GUF1: variants seen among roughly 807,000 people sequenced by gnomAD.
GUF1 encodes GTP binding elongation factor GUF1.
GUF1 carries 78 observed loss-of-function variants against 82.4 expected under a neutral mutation model. That is an observed-to-expected ratio of 0.95 (90% CI 0.79 to 1.14). The LOEUF is 1.14. Among genes scored for constraint, GUF1 ranks in the 50% most tolerant of loss-of-function variants. The pLI is 0.00. For synonymous variants in GUF1, 279 were observed against 282.3 expected (o/e 0.99, Z 0.12); for missense variants, 814 against 798.2 (o/e 1.02, Z -0.24).
rs201000026 is a variant in GUF1 at position 44,698,655 on chromosome 4, G to A, written c.1984G>A (p.Val662Ile). Residue 662 changes from valine to isoleucine, a missense_variant, in exon 17 of 17, where the codon GTT becomes ATT. Transcript: ENST00000281543. Reference sequence around the variant, plus strand: ...AGTTCCAAAAGATGCTTTTATAAAAGTTCTGAAAACACAATCTTCTAAATA... The same window carrying A: ...AGTTCCAAAAGATGCTTTTATAAAAATTCTGAAAACACAATCTTCTAAATA... ...VEVPKDAFIK[V>I]LKTQSSK The A allele has an allele frequency of 6.9e-5, 110 of 1,602,420 alleles. 1 individual carries two copies. The highest frequency in any genetic ancestry group is 3.5e-5 in the Admixed American group (2 of 56,980).
intron 6 of GUF1, among the ~76,000 whole-genome samples, chr4:44,685,074 TAGAAAC>T (rs1457879625): frequency 2.0e-5 from 3 of 152,086 alleles, no homozygotes; most frequent in Non-Finnish European, 2.9e-5. Context: ...TGGGAAAAGA[TAGAAAC>T]AGAGTGGAGG....
Position 44,686,689 on chromosome 4 carries a change from C to G in GUF1, c.914C>G (p.Pro305Arg), listed in dbSNP as rs1352337515. 1 of 1,609,268 alleles carries G rather than the reference C, an allele frequency of 6.2e-7. No homozygotes were observed. The highest frequency in any genetic ancestry group is 1.7e-5 in the Admixed American group (1 of 59,918). ...YEVNEVGVLNPNEQPTHKLYA... is the reference protein window; with the variant it reads ...YEVNEVGVLNRNEQPTHKLYA... Reference sequence around the variant, plus strand: ...GTTAATGAAGTAGGAGTCTTGAATCCTAATGAGCAGCCAACTCATAAATTG... The same window carrying G: ...GTTAATGAAGTAGGAGTCTTGAATCGTAATGAGCAGCCAACTCATAAATTG... Residue 305 changes from proline (P) to arginine (R), a missense_variant, in exon 8 of 17, where the codon CCT becomes CGT. Physicochemically the swap from Pro to Arg is moderately radical, Grantham distance 103 (BLOSUM62 -2). Transcript: ENST00000281543.
intron 13 of GUF1, among the ~76,000 whole-genome samples, chr4:44,692,450 C>T (rs1383103005): frequency 6.6e-6 from 1 of 151,748 alleles, no homozygotes; most frequent in Admixed American, 6.6e-5. Flanking sequence ...TCTAGATACC[C>T]TCACTATGCC....
At chr4:44,680,332 T>A (rs1490973434) in intron 1 of GUF1, 109 bp from the exon 2 acceptor site, 1 of 575,852 alleles carries the variant, frequency 1.7e-6, no homozygotes, top group African/African-American at 1.9e-5. Context: ...ACAATATAAA[T>A]GCTAGAAATG....
At chr4:44,684,532 A>AT (rs1214957640) in intron 6 of GUF1, among the ~76,000 whole-genome samples, 2 of 152,096 alleles carry the variant, frequency 1.3e-5, no homozygotes, top group African/African-American at 4.8e-5. Context: ...GAAACAAATT[A>AT]ACCAGTCATT....
intron 8 of GUF1, 61 bp from the exon 9 acceptor site, chr4:44,687,946 T>G: frequency 6.8e-7 from 1 of 1,463,240 alleles, no homozygotes. Flanking sequence ...TAGAACTAAT[T>G]GTGAGTTATG....
At position 44,683,223 on chromosome 4, in the gene GUF1, T is replaced by C; in HGVS notation, c.586-12T>C. ...TTATTATACTTCACATAATGGATTT[T>C]TTTTTTTAAAGATAGATCTGAAGAA... On this transcript the variant is annotated splice_polypyrimidine_tract_variant and intron_variant, in intron 5 of 16. Coordinates refer to ENST00000281543, the MANE Select transcript of GUF1 (RefSeq NM_021927.3). 1 of 1,517,068 alleles carries C rather than the reference T, an allele frequency of 6.6e-7. No homozygotes were observed. The highest frequency in any genetic ancestry group is 9.0e-7 in the Non-Finnish European group (1 of 1,114,060). 94.0% of individuals were successfully genotyped at this position (1,517,068 alleles called of 1,614,324 possible). A position where few individuals can be genotyped will look rare whatever the true frequency, so the allele number is the denominator to read the frequency against.
Position 44,697,453 on chromosome 4 carries a change from C to T in GUF1, c.1872+9C>T. 1.3e-6 allele frequency: 2 copies of T among 1,485,122 alleles called. No homozygotes were observed. Among genetic ancestry groups the T allele is most frequent in the African/African-American group, 1.4e-5 (1 of 71,574 alleles). The allele number at this position is 1,485,122 out of a possible 1,614,324, so 92.0% of individuals were successfully genotyped here. ...ACGTTTTGGCAAAATGTGTATGTAT[C>T]TAGTTGTATTTATTCTACTTTATAA... On this transcript the variant is annotated intron_variant, in intron 16 of 16. Transcript: ENST00000281543.
chr4:44,680,112 T>C (rs1187549424), intron 1 of GUF1, among the ~76,000 whole-genome samples: 1 of 147,086 alleles, frequency 6.8e-6, no homozygotes, highest in Non-Finnish European at 1.5e-5. Flanking sequence ...AAAGTTTTAC[T>C]AGACAAGGTA....
chr4:44,695,533 C>A, intron 14 of GUF1, 82 bp from the exon 15 acceptor site: 2 of 1,205,322 alleles, frequency 1.7e-6, no homozygotes, highest in Non-Finnish European at 2.4e-6. Flanking sequence ...ATCACCTTTA[C>A]ACTGATTATG....
intron 16 of GUF1, 98 bp from the exon 17 acceptor site, chr4:44,698,446 T>G: frequency 1.2e-6 from 1 of 851,348 alleles, no homozygotes; most frequent in Non-Finnish European, 1.8e-6. Context: ...GGATAATAAT[T>G]TGGTATGGTT....
In GUF1 at chr4:44,698,910, T is replaced by G; in HGVS notation, c.*229T>G. 1 of 400,576 alleles carries G rather than the reference T, an allele frequency of 2.5e-6. No individual in the cohort carries two copies. Among genetic ancestry groups the G allele is most frequent in the South Asian group, 3.9e-5 (1 of 25,760 alleles). The allele number at this position is 400,576 out of a possible 1,614,324, so 24.8% of individuals were successfully genotyped here. The stretch of plus-strand genomic sequence containing the variant: ...CACTAGTAAGGTGACCGTGGCCAGA[T>G]TAACCTTTGTTTCCTCTTCAGTAAA... On this transcript the variant is annotated 3_prime_UTR_variant, in exon 17 of 17. Coordinates refer to ENST00000281543, the MANE Select transcript of GUF1 (RefSeq NM_021927.3).
intron 9 of GUF1, 94 bp downstream of exon 9, chr4:44,688,240 AT>A: frequency 8.2e-7 from 1 of 1,215,202 alleles, no homozygotes; most frequent in Non-Finnish European, 1.2e-6. Flanking sequence ...CATTCTGGTT[AT>A]TTTAAATAAC....
At chr4:44,698,489 T>A in intron 16 of GUF1, 55 bp from the exon 17 acceptor site, 1 of 1,386,434 alleles carries the variant, frequency 7.2e-7, no homozygotes, top group Non-Finnish European at 9.9e-7. Context: ...TGTAATCATA[T>A]GATTGTTTCT....
intron 9 of GUF1, 54 bp downstream of exon 9, chr4:44,688,200 G>T: frequency 6.5e-7 from 1 of 1,535,064 alleles, no homozygotes; most frequent in East Asian, 2.3e-5. Flanking sequence ...TAAACTAAAA[G>T]TCTGTCTCAG....
intron 3 of GUF1, 49 bp from the exon 4 acceptor site, chr4:44,681,074 C>T: frequency 6.7e-7 from 1 of 1,485,240 alleles, no homozygotes; most frequent in Non-Finnish European, 9.4e-7. Flanking sequence ...AATGCTCTTT[C>T]CTAAAAAATT....
chr4:44,679,779 A>C (rs1577760713), intron 1 of GUF1, among the ~76,000 whole-genome samples: 1 of 36,974 alleles, frequency 2.7e-5, no homozygotes, highest in East Asian at 5.5e-4. Flanking sequence ...AATAGAGTAC[A>C]AAAAACTGGT....
At chr4:44,689,156 G>A in intron 9 of GUF1, 130 bp from the exon 10 acceptor site, 1 of 739,504 alleles carries the variant, frequency 1.4e-6, no homozygotes. Flanking sequence ...CCAATATTTT[G>A]GTCAATAAAA....
At chr4:44,684,882 A>G (rs573650459) in intron 6 of GUF1, among the ~76,000 whole-genome samples, 4 of 152,312 alleles carry the variant, frequency 2.6e-5, no homozygotes, top group African/African-American at 9.6e-5. Flanking sequence ...ACAAGAAACG[A>G]ACCAGACCAT....
Sources: gnomAD v4.1 joint callset for allele counts (sites outside exome capture counted in the v4.1 genomes callset) on GRCh38, gnomAD v4.1.1 for gene constraint, MANE v1.5 for transcripts, NCBI Gene and HGNC (gene_info 2026-07-23, HGNC 2026-07-21) for gene names.